CADM1: variants seen among roughly 807,000 people sequenced by gnomAD.
The protein encoded by CADM1 is cell adhesion molecule 1, also known as TSLC-1.
Under a neutral mutation model 53.1 loss-of-function variants are expected in CADM1, and 15 were observed. The ratio of observed to expected loss-of-function variants is 0.28; its 90% CI spans 0.19 to 0.44. The LOEUF (loss-of-function observed/expected upper bound fraction) is 0.44. Ranked by LOEUF, CADM1 falls within the 20% of genes least tolerant of loss-of-function variation. CADM1 has a pLI of 1.00. For missense variants in CADM1, 434 were observed against 611.3 expected (o/e 0.71, Z 3.06); for synonymous variants, 281 against 243.0 (o/e 1.16, Z -1.45).
At position 115,217,997 on chromosome 11, in the gene CADM1, T is replaced by G. The variant is rs146619481; in HGVS notation, c.722-6A>C. ...AATGTGCACTTGAGGCTTATCTGTG[T>G]GACAAAAACACAAAGTATAATGTTT... On this transcript the variant is annotated splice_polypyrimidine_tract_variant and splice_region_variant and intron_variant, in intron 5 of 11. Transcript: ENST00000331581. The G allele has an allele frequency of 1.5e-4, 243 of 1,599,164 alleles. No individual in the cohort carries two copies. In the African/African-American group the frequency reaches 2.9e-3, roughly 19 times the overall value.
intron 1 of CADM1, among the ~76,000 whole-genome samples, chr11:115,410,701 G>C (rs1268199374): frequency 6.6e-6 from 1 of 152,168 alleles, no homozygotes; most frequent in African/African-American, 2.4e-5. Context: ...ATAAGAGACA[G>C]AAGAGAAAAA....
intron 1 of CADM1, among the ~76,000 whole-genome samples, chr11:115,369,559 T>C (rs1946261311): frequency 6.6e-6 from 1 of 152,128 alleles, no homozygotes; most frequent in South Asian, 2.1e-4. Flanking sequence ...AGCTAACAAG[T>C]TACAAAGTAA....
At chr11:115,413,862 C>T (rs769917796) in intron 1 of CADM1, among the ~76,000 whole-genome samples, 18 of 152,034 alleles carry the variant, frequency 1.2e-4, no homozygotes, top group Non-Finnish European at 2.6e-4. Context: ...CCAGGCTGGC[C>T]TCAAACTCCT....
At chr11:115,204,328 G>A (rs764078979) in intron 8 of CADM1, among the ~76,000 whole-genome samples, 9 of 152,068 alleles carry the variant, frequency 5.9e-5, no homozygotes, top group African/African-American at 1.2e-4. Flanking sequence ...CAGCATCTGC[G>A]GCACCTTCTG....
intron 1 of CADM1, among the ~76,000 whole-genome samples, chr11:115,473,444 G>A (rs1949060602): frequency 6.6e-6 from 1 of 152,178 alleles, no homozygotes; most frequent in South Asian, 2.1e-4. Context: ...GGATGACACA[G>A]TGAGATCCTG....
intron 1 of CADM1, among the ~76,000 whole-genome samples, chr11:115,348,979 T>C (rs1350952676): frequency 3.3e-5 from 5 of 152,162 alleles, no homozygotes; most frequent in Admixed American, 3.3e-4. Flanking sequence ...TAATGTGACA[T>C]TTTACTATTA....
chr11:115,174,391 G>A lies in CADM1; in HGVS notation c.*2083C>T. 2 of 985,628 alleles carry A rather than the reference G, an allele frequency of 2.0e-6. No individual in the cohort carries two copies. Among genetic ancestry groups the A allele is most frequent in the South Asian group, 4.7e-5 (1 of 21,280 alleles). The allele number at this position is 985,628 out of a possible 1,614,324, so 61.1% of individuals were successfully genotyped here. On this transcript the variant is annotated 3_prime_UTR_variant, in exon 12 of 12. Coordinates refer to ENST00000331581, the MANE Select transcript of CADM1 (RefSeq NM_001301043.2). ...TATGATTATACTATGGTCGGAATGG[G>A]TGCTAAGGGCTCGGAATAGAGCTGC... is the stretch of plus-strand genomic sequence containing the variant.
At chr11:115,247,589 T>A (rs1257152322) in intron 1 of CADM1, among the ~76,000 whole-genome samples, 1 of 152,182 alleles carries the variant, frequency 6.6e-6, no homozygotes, top group African/African-American at 2.4e-5. Flanking sequence ...AAAATGCACA[T>A]GAAGGGAGAA....
chr11:115,406,515 ATAT>A (rs764912799), intron 1 of CADM1, among the ~76,000 whole-genome samples: 19 of 148,238 alleles, frequency 1.3e-4, no homozygotes, highest in South Asian at 6.2e-4. Flanking sequence ...TAAATATTAT[ATAT>A]TATATTTATA....
chr11:115,240,759 T>C (rs1269393609), intron 1 of CADM1: 1 of 331,090 alleles, frequency 3.0e-6, no homozygotes, highest in Non-Finnish European at 5.8e-6. Flanking sequence ...CTCTCACAAA[T>C]GGAGTAGGGA....
intron 1 of CADM1, among the ~76,000 whole-genome samples, chr11:115,350,590 GA>G (rs1945707232): frequency 7.0e-6 from 1 of 142,070 alleles, no homozygotes; most frequent in Admixed American, 7.1e-5. Flanking sequence ...CAATAATTAA[GA>G]AAATGGCTAG....
intron 10 of CADM1, among the ~76,000 whole-genome samples, chr11:115,184,280 C>T (rs538147074): frequency 2.6e-5 from 4 of 152,278 alleles, no homozygotes; most frequent in South Asian, 4.1e-4. Context: ...TTGTAGCTCC[C>T]GTCCATGGCA....
At chr11:115,462,818 A>G (rs1016136459) in intron 1 of CADM1, among the ~76,000 whole-genome samples, 11 of 152,306 alleles carry the variant, frequency 7.2e-5, no homozygotes, top group Non-Finnish European at 1.5e-4. Context: ...GTGGCAGTCT[A>G]TATGGCTAGC....
At chr11:115,452,324 A>G (rs574799466) in intron 1 of CADM1, among the ~76,000 whole-genome samples, 2 of 152,148 alleles carry the variant, frequency 1.3e-5, no homozygotes, top group Non-Finnish European at 2.9e-5. Context: ...CAGAACCTAT[A>G]AAATCCATTT....
At chr11:115,362,849 A>G (rs1186575827) in intron 1 of CADM1, among the ~76,000 whole-genome samples, 1 of 152,222 alleles carries the variant, frequency 6.6e-6, no homozygotes, top group African/African-American at 2.4e-5. Context: ...TGGTACCATC[A>G]TTACTTTTAC....
intron 1 of CADM1, among the ~76,000 whole-genome samples, chr11:115,255,840 C>T (rs1488601145): frequency 1.3e-4 from 20 of 152,180 alleles, no homozygotes; most frequent in Admixed American, 1.3e-3. Flanking sequence ...GAGCAATGCA[C>T]AGATGAAAAA....
intron 1 of CADM1, among the ~76,000 whole-genome samples, chr11:115,324,482 C>G (rs1393568442): frequency 1.5e-5 from 2 of 134,020 alleles, no homozygotes; most frequent in African/African-American, 5.7e-5. Flanking sequence ...ATCGGTAAGT[C>G]TGTTCTCTCT....
rs1938877704 is a variant in CADM1 at position 115,173,658 on chromosome 11, A to C, written c.*2816T>G. On this transcript the variant is annotated 3_prime_UTR_variant, in exon 12 of 12. Transcript: ENST00000331581. ...TAACATTAATTTTTTTTTATTAAGAAGACAGATATTTTATAGTACTTCTTT... is the reference window on the plus strand; with the variant it reads ...TAACATTAATTTTTTTTTATTAAGACGACAGATATTTTATAGTACTTCTTT... 4 of 418,640 alleles carry C rather than the reference A, an allele frequency of 9.6e-6. No individual in the cohort carries two copies. Among genetic ancestry groups the C allele is most frequent in the South Asian group, 2.0e-4 (2 of 9,888 alleles). 25.9% of individuals were successfully genotyped at this position (418,640 alleles called of 1,614,324 possible). A position where few individuals can be genotyped will look rare whatever the true frequency, so the allele number is the denominator to read the frequency against.
At chr11:115,250,282 T>C (rs11215447) in intron 1 of CADM1, among the ~76,000 whole-genome samples, 5 of 152,202 alleles carry the variant, frequency 3.3e-5, no homozygotes, top group Non-Finnish European at 7.3e-5. Flanking sequence ...AGATAACATA[T>C]GTATTTCCCT....
Sources: gnomAD v4.1 joint callset for allele counts (sites outside exome capture counted in the v4.1 genomes callset) on GRCh38, gnomAD v4.1.1 for gene constraint, MANE v1.5 for transcripts, NCBI Gene and HGNC (gene_info 2026-07-23, HGNC 2026-07-21) for gene names.